CCDC172: variants seen among roughly 807,000 people sequenced by gnomAD.
CCDC172 encodes the protein coiled-coil domain containing 172.
A neutral mutation model predicts 38.0 loss-of-function variants in CCDC172; 30 were observed. That is an observed-to-expected ratio of 0.79 (90% CI 0.59 to 1.07). The LOEUF is 1.07. CCDC172 is among the 50% of genes least tolerant of loss of function. The pLI, the probability that CCDC172 is intolerant of heterozygous loss-of-function variation, is 0.00. For missense variants in CCDC172, 297 were observed against 290.1 expected (o/e 1.02, Z -0.17); for synonymous variants, 78 against 88.3 (o/e 0.88, Z 0.66).
At chr10:116,340,941 T>C in intron 4 of CCDC172, 91 bp downstream of exon 4, 3 of 786,812 alleles carry the variant, frequency 3.8e-6, no homozygotes, top group Non-Finnish European at 4.4e-6. Flanking sequence ...AAATTATCCA[T>C]GTGCATATTA....
intron 3 of CCDC172, among the ~76,000 whole-genome samples, chr10:116,331,328 CT>C (rs1844660122): frequency 1.3e-5 from 2 of 152,116 alleles, no homozygotes; most frequent in African/African-American, 4.8e-5. Flanking sequence ...TTGAGGCCCC[CT>C]CTCTGTAGAG....
At chr10:116,328,649 A>G (rs1231128114) in intron 3 of CCDC172, among the ~76,000 whole-genome samples, 1 of 151,902 alleles carries the variant, frequency 6.6e-6, no homozygotes, top group Non-Finnish European at 1.5e-5. Flanking sequence ...TGTAAACACC[A>G]TAACAATAAT....
chr10:116,364,950 T>C (rs1039276813), intron 7 of CCDC172, among the ~76,000 whole-genome samples: 44 of 152,110 alleles, frequency 2.9e-4, no homozygotes, highest in African/African-American at 9.4e-4. Flanking sequence ...TAAAAATACA[T>C]GGAACATAAG....
chr10:116,331,474 TC>T (rs1844662155), intron 3 of CCDC172, among the ~76,000 whole-genome samples: 1 of 152,150 alleles, frequency 6.6e-6, no homozygotes, highest in African/African-American at 2.4e-5. Context: ...GAATGTAAGC[TC>T]CACAAGGGAT....
intron 7 of CCDC172, among the ~76,000 whole-genome samples, chr10:116,375,866 G>C (rs1845238365): frequency 6.6e-6 from 1 of 152,158 alleles, no homozygotes; most frequent in South Asian, 2.1e-4. Flanking sequence ...TCATTAAAAA[G>C]TCAGGAAACA....
chr10:116,347,999 ATCT>A (rs1267077490), intron 5 of CCDC172, among the ~76,000 whole-genome samples: 4 of 152,126 alleles, frequency 2.6e-5, no homozygotes, highest in Non-Finnish European at 2.9e-5. Context: ...ATTTGATAAC[ATCT>A]TCTTTAAGAT....
intron 7 of CCDC172, among the ~76,000 whole-genome samples, chr10:116,359,797 C>A (rs1252212959): frequency 6.6e-6 from 1 of 152,134 alleles, no homozygotes; most frequent in Non-Finnish European, 1.5e-5. Context: ...AGTAATTAGA[C>A]AACTTTAATA....
chr10:116,369,985 C>G (rs1845167160), intron 7 of CCDC172, among the ~76,000 whole-genome samples: 1 of 151,824 alleles, frequency 6.6e-6, no homozygotes, highest in South Asian at 2.1e-4. Flanking sequence ...CCTTGAAGAA[C>G]CATTTGTAAA....
intron 5 of CCDC172, among the ~76,000 whole-genome samples, chr10:116,343,323 G>A (rs1844818681): frequency 6.6e-6 from 1 of 151,962 alleles, no homozygotes; most frequent in East Asian, 1.9e-4. Context: ...ATAGGCATAG[G>A]ATAATCACTA....
At chr10:116,336,377 G>A (rs1311201084) in intron 3 of CCDC172, among the ~76,000 whole-genome samples, 2 of 71,584 alleles carry the variant, frequency 2.8e-5, no homozygotes, top group African/African-American at 1.1e-4. Context: ...AGAGATGGCT[G>A]GAGAGGGAGT....
At chr10:116,357,508 T>C (rs1435640485) in intron 6 of CCDC172, 27 bp downstream of exon 6, 2 of 1,474,414 alleles carry the variant, frequency 1.4e-6, no homozygotes, top group Non-Finnish European at 1.8e-6. Flanking sequence ...TTAGCTTATT[T>C]TGCTGATAAA....
At chr10:116,368,363 A>G (rs1845148171) in intron 7 of CCDC172, among the ~76,000 whole-genome samples, 1 of 151,850 alleles carries the variant, frequency 6.6e-6, no homozygotes, top group Non-Finnish European at 1.5e-5. Context: ...GGCATTCTTT[A>G]TGTATTTATT....
intron 7 of CCDC172, among the ~76,000 whole-genome samples, chr10:116,376,711 G>T (rs569068637): frequency 6.6e-6 from 1 of 152,170 alleles, no homozygotes; most frequent in East Asian, 1.9e-4. Context: ...AAAGGGACCA[G>T]AATATACCAC....
intron 7 of CCDC172, among the ~76,000 whole-genome samples, chr10:116,358,760 C>A (rs892785577): frequency 6.6e-6 from 1 of 152,110 alleles, no homozygotes; most frequent in Non-Finnish European, 1.5e-5. Flanking sequence ...AAATATCAAT[C>A]TCTTGGGTGA....
At chr10:116,357,731 T>G (rs746954242) in intron 6 of CCDC172, 105 bp from the exon 7 acceptor site, 1 of 710,324 alleles carries the variant, frequency 1.4e-6, no homozygotes, top group East Asian at 3.2e-5. Context: ...GTGTATAAAT[T>G]TTATATGCAA....
chr10:116,347,566 G>C (rs1312976562), intron 5 of CCDC172, among the ~76,000 whole-genome samples: 1 of 152,068 alleles, frequency 6.6e-6, no homozygotes, highest in Admixed American at 6.5e-5. Context: ...AGGGAAAAAT[G>C]GTGGAGGAGA....
At chr10:116,375,708 A>ATT (rs1388292539) in intron 7 of CCDC172, among the ~76,000 whole-genome samples, 1 of 152,190 alleles carries the variant, frequency 6.6e-6, no homozygotes, top group Non-Finnish European at 1.5e-5. Flanking sequence ...CCCATCAAAA[A>ATT]GTGGGCCAAG....
intron 5 of CCDC172, among the ~76,000 whole-genome samples, chr10:116,349,518 T>G (rs895498678): frequency 1.3e-5 from 2 of 152,208 alleles, no homozygotes; most frequent in Non-Finnish European, 2.9e-5. Flanking sequence ...TTATATTCTC[T>G]CATTGCCCTC....
intron 7 of CCDC172, among the ~76,000 whole-genome samples, chr10:116,373,006 A>G (rs751338821): frequency 1.3e-5 from 2 of 152,202 alleles, no homozygotes; most frequent in Non-Finnish European, 2.9e-5. Flanking sequence ...CAAACGGACT[A>G]CATTACAGAA....
Sources: gnomAD v4.1 joint callset for allele counts (sites outside exome capture counted in the v4.1 genomes callset) on GRCh38, gnomAD v4.1.1 for gene constraint, MANE v1.5 for transcripts, NCBI Gene and HGNC (gene_info 2026-07-23, HGNC 2026-07-21) for gene names.